CDH6: variants seen among roughly 807,000 people sequenced by gnomAD.
The protein encoded by CDH6 is cadherin 6, also known as cadherin-6.
CDH6 carries 31 observed loss-of-function variants against 78.0 expected under a neutral mutation model. The ratio of observed to expected loss-of-function variants is 0.40; its 90% CI spans 0.30 to 0.54. The LOEUF (loss-of-function observed/expected upper bound fraction) is 0.54. Ranked by LOEUF, CDH6 falls within the 20% of genes least tolerant of loss-of-function variation. The pLI, the probability that CDH6 is intolerant of heterozygous loss-of-function variation, is 0.56. For synonymous variants in CDH6, 376 were observed against 368.8 expected (o/e 1.02, Z -0.23); for missense variants, 724 against 975.9 (o/e 0.74, Z 3.44).
At chr5:31,292,735 C>G (rs1334160357) in intron 2 of CDH6, among the ~76,000 whole-genome samples, 1 of 144,758 alleles carries the variant, frequency 6.9e-6, no homozygotes. Flanking sequence ...TATCTGAAAA[C>G]CTGCAGACTG....
chr5:31,240,926 C>T (rs1465597424), intron 1 of CDH6, among the ~76,000 whole-genome samples: 1 of 152,178 alleles, frequency 6.6e-6, no homozygotes, highest in Non-Finnish European at 1.5e-5. Flanking sequence ...TTTCTGATTG[C>T]CTTGTCATTT....
At chr5:31,213,676 G>A (rs1263696078) in intron 1 of CDH6, among the ~76,000 whole-genome samples, 1 of 152,090 alleles carries the variant, frequency 6.6e-6, no homozygotes, top group Non-Finnish European at 1.5e-5. Flanking sequence ...GATGCCTCTG[G>A]GAAACGGGGT....
At chr5:31,301,208 G>A (rs999818045) in intron 5 of CDH6, among the ~76,000 whole-genome samples, 1 of 152,198 alleles carries the variant, frequency 6.6e-6, no homozygotes, top group Non-Finnish European at 1.5e-5. Flanking sequence ...TACCAAGTAT[G>A]AACTCAAGGG....
intron 1 of CDH6, among the ~76,000 whole-genome samples, chr5:31,208,733 C>T (rs765127571): frequency 9.2e-5 from 14 of 151,966 alleles, no homozygotes; most frequent in African/African-American, 3.4e-4. Context: ...ATGGAAAACC[C>T]TTATGTATGT....
Position 31,325,387 on chromosome 5 carries a change from A to ATTGATT in CDH6, c.*2079_*2080insTTGATT, listed in dbSNP as rs1738603746. 8.6e-6 allele frequency: 2 copies of ATTGATT among 231,608 alleles called. No homozygotes were observed. The highest frequency in any genetic ancestry group is 5.7e-5 in the Admixed American group (1 of 17,678). 14.3% of individuals were successfully genotyped at this position (231,608 alleles called of 1,614,324 possible). A position where few individuals can be genotyped will look rare whatever the true frequency, so the allele number is the denominator to read the frequency against. On this transcript the variant is annotated 3_prime_UTR_variant, in exon 12 of 12. Transcript: ENST00000265071. Reference sequence around the variant, plus strand: ...AAACAAAAGGCTATATGAGGTCTTCACTCTAATGAATTGATATGTATCATA... The same window carrying ATTGATT: ...AAACAAAAGGCTATATGAGGTCTTCATTGATTCTCTAATGAATTGATATGTATCATA...
chr5:31,299,427 A>G (rs1348894551), intron 4 of CDH6, 37 bp from the exon 5 acceptor site: 3 of 1,530,254 alleles, frequency 2.0e-6, no homozygotes, highest in Non-Finnish European at 2.7e-6. Flanking sequence ...AGTATTCTTA[A>G]TGCATCCCTT....
intron 7 of CDH6, among the ~76,000 whole-genome samples, chr5:31,306,202 T>G (rs1192237207): frequency 6.6e-6 from 1 of 152,192 alleles, no homozygotes; most frequent in Non-Finnish European, 1.5e-5. Context: ...TTCGGATGGT[T>G]TTTCCTTTTG....
chr5:31,313,468 A>G lies in CDH6; in HGVS notation c.1390+14A>G, dbSNP rs375114720. 1 of 1,610,050 alleles carries G rather than the reference A, an allele frequency of 6.2e-7. No homozygotes were observed. Among genetic ancestry groups the G allele is most frequent in the Non-Finnish European group, 8.5e-7 (1 of 1,177,030 alleles). On this transcript the variant is annotated intron_variant, in intron 8 of 11. Transcript: ENST00000265071. ...CAACAGAGATCAGTAAGTCCTACCT[A>G]ATACCGCTGCTGTCCCCTATTAATA...
intron 1 of CDH6, among the ~76,000 whole-genome samples, chr5:31,199,707 ATATATATATC>A (rs59181739): frequency 0.011 from 1,552 of 136,854 alleles, 51 homozygotes; most frequent in African/African-American, 0.04. Flanking sequence ...ATATATATAT[ATATATATATC>A]TCAAAGATAA....
chr5:31,235,201 G>A (rs1219399153), intron 1 of CDH6, among the ~76,000 whole-genome samples: 1 of 145,166 alleles, frequency 6.9e-6, no homozygotes, highest in Non-Finnish European at 1.5e-5. Flanking sequence ...ATATTTTTAT[G>A]ATACCATATA....
intron 1 of CDH6, among the ~76,000 whole-genome samples, chr5:31,233,293 T>TA (rs1295841773): frequency 1.3e-5 from 2 of 150,470 alleles, no homozygotes; most frequent in Non-Finnish European, 3.0e-5. Context: ...ATCAAAGCTT[T>TA]AAAAACTTTA....
chr5:31,259,806 G>A (rs1742163059), intron 1 of CDH6, among the ~76,000 whole-genome samples: 1 of 152,194 alleles, frequency 6.6e-6, no homozygotes, highest in Non-Finnish European at 1.5e-5. Context: ...AATGAAGCAA[G>A]CAGGTCTAGG....
chr5:31,318,262 C>T (rs903541871), intron 11 of CDH6: 2 of 557,830 alleles, frequency 3.6e-6, no homozygotes, highest in Non-Finnish European at 3.2e-6. Flanking sequence ...ACTTGGAAAA[C>T]GTTGTTAAGT....
At chr5:31,209,910 GA>G (rs35769501) in intron 1 of CDH6, among the ~76,000 whole-genome samples, 9,795 of 151,276 alleles carry the variant, frequency 0.065, 626 homozygotes, top group East Asian at 0.38. Context: ...GTAGAAAAGA[GA>G]AAAAAAAATC....
chr5:31,235,867 T>G (rs1030411555), intron 1 of CDH6, among the ~76,000 whole-genome samples: 7 of 152,206 alleles, frequency 4.6e-5, no homozygotes, highest in Non-Finnish European at 8.8e-5. Context: ...TTTTACAATT[T>G]TTACAATTTT....
At chr5:31,225,739 A>T (rs1440702878) in intron 1 of CDH6, among the ~76,000 whole-genome samples, 1 of 152,168 alleles carries the variant, frequency 6.6e-6, no homozygotes, top group Non-Finnish European at 1.5e-5. Context: ...TGGGGATTAC[A>T]ATTCGACATG....
chr5:31,236,819 C>T (rs1195365226), intron 1 of CDH6, among the ~76,000 whole-genome samples: 4 of 152,084 alleles, frequency 2.6e-5, no homozygotes, highest in South Asian at 2.1e-4. Context: ...AACATCTGAA[C>T]GGAGAAGGGG....
At chr5:31,198,126 G>C (rs1193161287) in intron 1 of CDH6, among the ~76,000 whole-genome samples, 3 of 152,126 alleles carry the variant, frequency 2.0e-5, no homozygotes. Flanking sequence ...CAACAGTCTA[G>C]TTGTTCAAAA....
At chr5:31,298,049 C>A (rs1265702044) in intron 4 of CDH6, among the ~76,000 whole-genome samples, 1 of 152,174 alleles carries the variant, frequency 6.6e-6, no homozygotes, top group East Asian at 1.9e-4. Context: ...GTTATCAAAT[C>A]ATTGTCTAGC....
Sources: gnomAD v4.1 joint callset for allele counts (sites outside exome capture counted in the v4.1 genomes callset) on GRCh38, gnomAD v4.1.1 for gene constraint, MANE v1.5 for transcripts, NCBI Gene and HGNC (gene_info 2026-07-23, HGNC 2026-07-21) for gene names.